The following GREB1L variants were observed in gnomAD, a reference collection of about 807,000 sequenced individuals.
GREB1L encodes GREB1-like protein.
GREB1L carries 17 observed loss-of-function variants against 200.8 expected under a neutral mutation model. The ratio of observed to expected loss-of-function variants is 0.08; its 90% CI spans 0.06 to 0.13. GREB1L has a LOEUF of 0.13. GREB1L is among the 10% of genes least tolerant of loss of function. The probability of loss-of-function intolerance (pLI) is 1.00; values close to 1 mark genes in which losing one functional copy is unlikely to be tolerated. For missense variants in GREB1L, 1,657 were observed against 2,367.7 expected, an observed-to-expected ratio of 0.70 and a Z score of 6.23; for synonymous variants, 789 against 893.0, an observed-to-expected ratio of 0.88 and a Z score of 2.08.
intron 1 of GREB1L, among the ~76,000 whole-genome samples, chr18:21,315,514 A>G (rs1027186795): frequency 2.0e-5 from 3 of 152,210 alleles, no homozygotes; most frequent in Non-Finnish European, 2.9e-5. Context: ...TTCAACACAT[A>G]TCATTTTAAA....
At chr18:21,298,801 G>A (rs1219579003) in intron 1 of GREB1L, among the ~76,000 whole-genome samples, 1 of 152,100 alleles carries the variant, frequency 6.6e-6, no homozygotes, top group Non-Finnish European at 1.5e-5. Context: ...GGGTATGGTG[G>A]CGCATGCCTG....
intron 4 of GREB1L, among the ~76,000 whole-genome samples, chr18:21,385,993 T>C (rs758435884): frequency 5.9e-5 from 9 of 152,188 alleles, no homozygotes; most frequent in Non-Finnish European, 1.3e-4. Context: ...TATAATAAAC[T>C]TAGTGATCTA....
chr18:21,259,832 G>A (rs1173375510), intron 1 of GREB1L, among the ~76,000 whole-genome samples: 1 of 151,780 alleles, frequency 6.6e-6, no homozygotes, highest in Admixed American at 6.6e-5. Context: ...GGATATTAAG[G>A]TACCTATAAA....
chr18:21,366,295 C>T (rs1354232909), intron 2 of GREB1L, among the ~76,000 whole-genome samples, 159 bp downstream of exon 2: 1 of 152,124 alleles, frequency 6.6e-6, no homozygotes, highest in African/African-American at 2.4e-5. Flanking sequence ...TCTCCCCTCC[C>T]CCATCCCCTT....
intron 7 of GREB1L, among the ~76,000 whole-genome samples, chr18:21,434,380 G>A (rs1261633124): frequency 6.6e-6 from 1 of 151,818 alleles, no homozygotes; most frequent in Non-Finnish European, 1.5e-5. Flanking sequence ...GGAGGCTGAG[G>A]CAGGAGAATC....
At chr18:21,312,622 C>T (rs1454720331) in intron 1 of GREB1L, among the ~76,000 whole-genome samples, 1 of 151,834 alleles carries the variant, frequency 6.6e-6, no homozygotes, top group Non-Finnish European at 1.5e-5. Context: ...GGCATGATCT[C>T]GGCTCACTGC....
At chr18:21,418,693 T>G (rs1285093269) in intron 7 of GREB1L, among the ~76,000 whole-genome samples, 2 of 152,058 alleles carry the variant, frequency 1.3e-5, no homozygotes, top group Non-Finnish European at 2.9e-5. Flanking sequence ...CAGCTAATTT[T>G]TTTGTATTTT....
At chr18:21,274,368 A>G (rs1457424449) in intron 1 of GREB1L, among the ~76,000 whole-genome samples, 2 of 152,132 alleles carry the variant, frequency 1.3e-5, no homozygotes, top group Non-Finnish European at 2.9e-5. Flanking sequence ...GATCATAGCA[A>G]ATACCAAGTA....
At position 21,505,468 on chromosome 18, in the gene GREB1L, G is replaced by A. The variant is rs774844622; in HGVS notation, c.4129G>A (p.Glu1377Lys). ...AGAGGGAGAGCCCTGGCCTGACATC[G>A]AGAGCTTCAGTAAAATGCCTTTTGA... The part of the protein sequence containing the change: ...QSEGEPWPDI[E>K]SFSKMPFDVS... Residue 1377 changes from glutamate (E) to lysine (K), a missense_variant, in exon 24 of 33, where the codon GAG becomes AAG. By Grantham distance (56) the Glu-to-Lys change is moderately conservative. Around this residue, in one of 9 missense-constraint regions of GREB1L, gnomAD observed 512 missense variants for 668.3 expected, o/e 0.77. Transcript: ENST00000424526. 19 of 1,551,438 alleles carry A rather than the reference G, an allele frequency of 1.2e-5. No homozygotes were observed. The highest frequency in any genetic ancestry group is 5.9e-5 in the South Asian group (5 of 84,052).
chr18:21,299,717 T>G (rs1287900654), intron 1 of GREB1L, among the ~76,000 whole-genome samples: 3 of 152,202 alleles, frequency 2.0e-5, no homozygotes, highest in South Asian at 2.1e-4. Context: ...ACAATTTCAC[T>G]TAGTTTCAAA....
chr18:21,520,571 A>T, intron 31 of GREB1L, 117 bp from the exon 32 acceptor site: 1 of 1,166,398 alleles, frequency 8.6e-7, no homozygotes, highest in Non-Finnish European at 1.2e-6. Context: ...GAAAAAACTC[A>T]TCTCCTTTAC....
At chr18:21,456,053 G>A (rs7243222) in intron 15 of GREB1L, among the ~76,000 whole-genome samples, 44,759 of 151,644 alleles carry the variant, frequency 0.3, 8,757 homozygotes, top group African/African-American at 0.52. Flanking sequence ...TTACAGGTGT[G>A]CACCACCACT....
At chr18:21,459,279 C>CTTTTTTTTTTTTTTTTTTTTTTTTT (rs746568414) in intron 15 of GREB1L, among the ~76,000 whole-genome samples, 1 of 85,918 alleles carries the variant, frequency 1.2e-5, no homozygotes, top group Non-Finnish European at 2.1e-5. Flanking sequence ...TTTTTCTTTA[C>CTTTTTTTTTTTTTTTTTTTTTTTTT]TTTTTTTTTT....
intron 2 of GREB1L, among the ~76,000 whole-genome samples, chr18:21,373,955 A>G (rs769628020): frequency 6.6e-6 from 1 of 151,628 alleles, no homozygotes; most frequent in African/African-American, 2.4e-5. Context: ...TCTTTAGCCT[A>G]TGGGAGCTCT....
At chr18:21,365,745 C>T (rs1430562015) in intron 1 of GREB1L, among the ~76,000 whole-genome samples, 2 of 152,036 alleles carry the variant, frequency 1.3e-5, no homozygotes, top group East Asian at 1.9e-4. Context: ...ACTTGACAGA[C>T]TTATTCAACT....
At chr18:21,435,477 G>T (rs1233172475) in intron 7 of GREB1L, among the ~76,000 whole-genome samples, 1 of 152,192 alleles carries the variant, frequency 6.6e-6, no homozygotes, top group African/African-American at 2.4e-5. Context: ...ATGTACAGAA[G>T]AACGCAGAGC....
intron 15 of GREB1L, among the ~76,000 whole-genome samples, chr18:21,460,679 A>G (rs543302383): frequency 1.6e-4 from 24 of 152,122 alleles, no homozygotes; most frequent in African/African-American, 5.5e-4. Flanking sequence ...CCCATTCTCC[A>G]CAGTGGCTGT....
chr18:21,382,118 G>A (rs1344371881), intron 2 of GREB1L, among the ~76,000 whole-genome samples: 1 of 152,180 alleles, frequency 6.6e-6, no homozygotes, highest in Admixed American at 6.5e-5. Context: ...GCCCAGGCAG[G>A]TGGATCACTT....
chr18:21,275,210 A>T (rs1046106594), intron 1 of GREB1L, among the ~76,000 whole-genome samples: 3 of 152,118 alleles, frequency 2.0e-5, no homozygotes, highest in Admixed American at 2.0e-4. Context: ...ACTGCACTCC[A>T]GCCTGGTGAC....
Sources: allele counts gnomAD v4.1 joint callset (sites outside exome capture counted in the v4.1 genomes callset), GRCh38; gene constraint gnomAD v4.1.1; regional missense constraint gnomAD v4.1.1; transcripts MANE v1.5; gene names NCBI Gene and HGNC (gene_info 2026-07-23, HGNC 2026-07-21).